PIK3C2G: variants seen among roughly 807,000 people sequenced by gnomAD.
PIK3C2G encodes phosphatidylinositol-4-phosphate 3-kinase catalytic subunit type 2 gamma, also known as phosphatidylinositol 3-kinase C2 domain-containing subunit gamma.
Under a neutral mutation model 181.1 loss-of-function variants are expected in PIK3C2G, and 168 were observed. That is an observed-to-expected ratio of 0.93 (90% CI 0.82 to 1.05). PIK3C2G has a LOEUF of 1.05. Among genes scored for constraint, PIK3C2G ranks in the 50% least tolerant of loss-of-function variants. The probability of loss-of-function intolerance (pLI) is 0.00; values close to 1 mark genes in which losing one functional copy is unlikely to be tolerated. For synonymous variants in PIK3C2G, 573 were observed against 592.2 expected (o/e 0.97, Z 0.47); for missense variants, 1,869 against 1,732.8 (o/e 1.08, Z -1.40).
At chr12:18,536,248 A>G (rs2136233598) in intron 24 of PIK3C2G, among the ~76,000 whole-genome samples, 1 of 152,198 alleles carries the variant, frequency 6.6e-6, no homozygotes, top group African/African-American at 2.4e-5. Flanking sequence ...AAGGAAATTT[A>G]GTGATAACAA....
intron 6 of PIK3C2G, among the ~76,000 whole-genome samples, chr12:18,317,317 T>C (rs1190806633): frequency 6.6e-6 from 1 of 152,044 alleles, no homozygotes; most frequent in Non-Finnish European, 1.5e-5. Flanking sequence ...GGTCCAAGTC[T>C]TGATAGTTTC....
chr12:18,698,191 A>T, the PIK3C2G span, among the ~76,000 whole-genome samples: 1 of 151,902 alleles, frequency 6.6e-6, no homozygotes, highest in Non-Finnish European at 1.5e-5. Context: ...TGCACGATGC[A>T]CAATTGCTTC....
At chr12:18,572,193 GTTA>G (rs1325073033) in intron 29 of PIK3C2G, among the ~76,000 whole-genome samples, 1 of 150,462 alleles carries the variant, frequency 6.6e-6, no homozygotes, top group Non-Finnish European at 1.5e-5. Flanking sequence ...AACTGAAGTA[GTTA>G]TTATTTTTAA....
At chr12:18,618,153 G>A (rs1948688050) in intron 31 of PIK3C2G, among the ~76,000 whole-genome samples, 1 of 151,934 alleles carries the variant, frequency 6.6e-6, no homozygotes, top group Non-Finnish European at 1.5e-5. Flanking sequence ...TGTGCCCTGA[G>A]GGTGGACCCT....
At chr12:18,550,954 C>T (rs193214854) in intron 26 of PIK3C2G, among the ~76,000 whole-genome samples, 64 of 152,156 alleles carry the variant, frequency 4.2e-4, no homozygotes, top group Non-Finnish European at 6.6e-4. Flanking sequence ...GGAGAATGTA[C>T]TCTATTTATG....
At chr12:18,627,796 T>C (rs763446180) in intron 31 of PIK3C2G, among the ~76,000 whole-genome samples, 2 of 152,198 alleles carry the variant, frequency 1.3e-5, no homozygotes, top group Non-Finnish European at 2.9e-5. Context: ...GTTGTTTTGT[T>C]TCTGGTATAG....
intron 11 of PIK3C2G, among the ~76,000 whole-genome samples, chr12:18,348,928 G>C (rs1026862649): frequency 3.9e-5 from 6 of 152,124 alleles, no homozygotes; most frequent in African/African-American, 9.7e-5. Context: ...TGGGGCTGAA[G>C]AATCCACTTC....
chr12:18,449,288 TA>T lies in PIK3C2G; in HGVS notation c.2504+25250del, dbSNP rs567480561. On this transcript the variant is annotated intron_variant, in intron 18 of 32. Coordinates refer to ENST00000538779, the MANE Select transcript of PIK3C2G (RefSeq NM_001288772.2). ...ACTCTTTTTTATTTTTATTATTTATTATTTTTTTTATTTTACTTTAAGTTCT... is the reference window on the plus strand; with the variant it reads ...ACTCTTTTTTATTTTTATTATTTATTTTTTTTTTATTTTACTTTAAGTTCT... Among the ~76,000 whole-genome samples the T allele has an allele frequency of 1.8e-4, 28 of 152,224 alleles. No homozygotes were observed. In the East Asian group the frequency reaches 2.5e-3, roughly 14 times the overall value.
At chr12:18,539,948 G>A (rs1303913016) in intron 25 of PIK3C2G, among the ~76,000 whole-genome samples, 1 of 151,596 alleles carries the variant, frequency 6.6e-6, no homozygotes, top group East Asian at 1.9e-4. Context: ...ATTCTATTAG[G>A]CCGTTTTGCA....
chr12:18,428,011 G>A (rs1945937443), intron 18 of PIK3C2G, among the ~76,000 whole-genome samples: 1 of 151,988 alleles, frequency 6.6e-6, no homozygotes, highest in African/African-American at 2.4e-5. Flanking sequence ...TTATTGTGCA[G>A]ATTATTTCAT....
At chr12:18,260,138 T>C (rs891787254), upstream of PIK3C2G, among the ~76,000 whole-genome samples, 6 of 151,806 alleles carry the variant, frequency 4.0e-5, no homozygotes, top group Non-Finnish European at 7.4e-5. Context: ...TTGTTCCTTT[T>C]CAACCCAGTC....
At chr12:18,261,462 C>T (rs1417565529), upstream of PIK3C2G, 7 of 151,940 alleles carry the variant, frequency 4.6e-5, no homozygotes, top group Non-Finnish European at 1.0e-4. Flanking sequence ...GGAATAAAAG[C>T]TTCCAGTGGA....
chr12:18,611,116 G>T (rs997087376), intron 31 of PIK3C2G, among the ~76,000 whole-genome samples: 2 of 151,978 alleles, frequency 1.3e-5, no homozygotes, highest in Non-Finnish European at 2.9e-5. Flanking sequence ...TTTACACTCA[G>T]ATGAAATTAC....
chr12:18,586,483 G>C (rs752595301), intron 29 of PIK3C2G, among the ~76,000 whole-genome samples: 1 of 151,946 alleles, frequency 6.6e-6, no homozygotes, highest in Non-Finnish European at 1.5e-5. Flanking sequence ...TGAAAGGGAT[G>C]GATAAATTCC....
chr12:18,644,256 G>C lies in PIK3C2G; in HGVS notation c.4309-3620G>C, dbSNP rs143301933. On this transcript the variant is annotated intron_variant, in intron 32 of 32. Coordinates refer to ENST00000538779, the MANE Select transcript of PIK3C2G (RefSeq NM_001288772.2). ...TGGTCTCAAGATGGGTCTGGGGCTG[G>C]GGGTGTGAGTGCTCAGGGAACTGCC... Among the ~76,000 whole-genome samples, 508 of 152,170 alleles carry C rather than the reference G, an allele frequency of 3.3e-3. 3 individuals carry two copies. Among genetic ancestry groups the C allele is most frequent in the African/African-American group, 0.011 (440 of 41,526 alleles).
intron 13 of PIK3C2G, among the ~76,000 whole-genome samples, chr12:18,380,273 G>A (rs1424224334): frequency 2.0e-5 from 3 of 151,982 alleles, no homozygotes; most frequent in Non-Finnish European, 2.9e-5. Context: ...CTTTTCTGTC[G>A]TCATGTTCTC....
intron 20 of PIK3C2G, 90 bp downstream of exon 20, chr12:18,491,648 G>A (rs545734988): frequency 4.3e-5 from 30 of 698,338 alleles, no homozygotes; most frequent in South Asian, 8.0e-5. Context: ...AAAAGAATTC[G>A]TAAGTTGACA....
At chr12:18,592,171 A>T (rs892569155) in intron 29 of PIK3C2G, among the ~76,000 whole-genome samples, 1 of 151,900 alleles carries the variant, frequency 6.6e-6, no homozygotes, top group Admixed American at 6.6e-5. Flanking sequence ...ATCTGGAATA[A>T]ATGTTTAGAT....
chr12:18,700,695 G>C, the PIK3C2G span, among the ~76,000 whole-genome samples: 1 of 152,106 alleles, frequency 6.6e-6, no homozygotes, highest in African/African-American at 2.4e-5. Flanking sequence ...ACTATATCAA[G>C]TCATTTTTTA....
Sources: allele counts gnomAD v4.1 joint callset (sites outside exome capture counted in the v4.1 genomes callset), GRCh38; gene constraint gnomAD v4.1.1; transcripts MANE v1.5; gene names NCBI Gene and HGNC (gene_info 2026-07-23, HGNC 2026-07-21).